Variants in E2F6 observed in about 807,000 individuals in gnomAD.
E2F6 encodes E2F transcription factor 6.
A neutral mutation model predicts 31.5 loss-of-function variants in E2F6; 19 were observed. The observed-to-expected ratio is 0.60, with a 90% CI of 0.42 to 0.89. The LOEUF is 0.89. Ranked by LOEUF, E2F6 falls within the 40% of genes least tolerant of loss-of-function variation. E2F6 has a pLI of 0.00. For synonymous variants in E2F6, 121 were observed against 127.7 expected (o/e 0.95, Z 0.36); for missense variants, 269 against 341.6 (o/e 0.79, Z 1.67).
chr2:11,449,942 A>C, intron 5 of E2F6, 70 bp downstream of exon 5: 1 of 1,229,038 alleles, frequency 8.1e-7, no homozygotes, highest in South Asian at 1.3e-5. Flanking sequence ...GTATGACTGC[A>C]ATAAATCACA....
intron 6 of E2F6, among the ~76,000 whole-genome samples, chr2:11,447,017 T>C (rs751712093): frequency 3.9e-5 from 6 of 152,118 alleles, no homozygotes; most frequent in Non-Finnish European, 8.8e-5. Context: ...GGTGGAGCTG[T>C]TGGCTGGGTA....
chr2:11,444,761 A>C lies in E2F6; in HGVS notation c.*1716T>G, dbSNP rs942570694. 2 of 152,144 alleles carry C rather than the reference A, an allele frequency of 1.3e-5. No homozygotes were observed. The highest frequency in any genetic ancestry group is 1.3e-4 in the Admixed American group (2 of 15,258). The allele number at this position is 152,144 out of a possible 1,614,324, so 9.4% of individuals were successfully genotyped here. ...CTCAGACTTTTCCGCTGAGCACCTG[A>C]CCTACATACACACAACAACCTGCTC... On this transcript the variant is annotated 3_prime_UTR_variant, in exon 7 of 7. Transcript: ENST00000381525.
chr2:11,446,641 TG>T (rs1670732614), intron 6 of E2F6, 118 bp from the exon 7 acceptor site: 1 of 817,842 alleles, frequency 1.2e-6, no homozygotes, highest in African/African-American at 1.8e-5. Context: ...TGAAGATGCC[TG>T]GTCAAGAACA....
At chr2:11,465,708 C>A in intron 1 of E2F6, 64 bp downstream of exon 1, 3 of 1,518,284 alleles carry the variant, frequency 2.0e-6, no homozygotes, top group East Asian at 2.5e-5. Context: ...TTGGCGGCGG[C>A]GCGGGGAGGA....
rs537378425 is a variant in E2F6 at position 11,465,887 on chromosome 2, G to C, written c.-8C>G. ...CGGCCGCTGCTGACTCATGCTGCCCGGCCGGGCGTCCTGCTCCCCTCGCAC... is the reference window on the plus strand; with the variant it reads ...CGGCCGCTGCTGACTCATGCTGCCCCGCCGGGCGTCCTGCTCCCCTCGCAC... On this transcript the variant is annotated 5_prime_UTR_variant, in exon 1 of 7. Transcript: ENST00000381525. 7 of 1,544,478 alleles carry C rather than the reference G, an allele frequency of 4.5e-6. No individual in the cohort carries two copies. Among genetic ancestry groups the C allele is most frequent in the Non-Finnish European group, 4.4e-6 (5 of 1,144,160 alleles).
chr2:11,447,955 A>C (rs1264750091), intron 5 of E2F6, among the ~76,000 whole-genome samples, 181 bp from the exon 6 acceptor site: 3 of 152,152 alleles, frequency 2.0e-5, no homozygotes, highest in African/African-American at 4.8e-5. Flanking sequence ...ATGGCTTCAG[A>C]GCTATCATGT....
rs1345038186 is a variant in E2F6 at position 11,447,736 on chromosome 2, A to C, written c.690T>G (p.Pro230=). The C allele has an allele frequency of 6.2e-7, 1 of 1,612,292 alleles. No homozygotes were observed. The highest frequency in any genetic ancestry group is 2.2e-5 in the East Asian group (1 of 44,886). ...ITVHIRSTNG[P]IDVYLCEVEQ... ...CCACTTCACACAAATAGACATCGAT[A>C]GGTCCGTTGGTGCTCCTTATGTGCA... Residue 230 remains proline (P), a synonymous_variant, in exon 6 of 7, where the codon CCT becomes CCG. Coordinates refer to ENST00000381525, the MANE Select transcript of E2F6 (RefSeq NM_198256.4).
At position 11,447,764 on chromosome 2, in the gene E2F6, G is replaced by A; in HGVS notation, c.662C>T (p.Thr221Ile). 6.2e-7 allele frequency: 1 copy of A among 1,609,702 alleles called. No individual in the cohort carries two copies. The highest frequency in any genetic ancestry group is 8.5e-7 in the Non-Finnish European group (1 of 1,179,386). The stretch of plus-strand genomic sequence containing the variant: ...TCCGTTGGTGCTCCTTATGTGCACT[G>A]TGATAGAGTCCTAGCAAAGGACACA... ...DVPAPREDSITVHIRSTNGPI... is the reference protein window; with the variant it reads ...DVPAPREDSIIVHIRSTNGPI... The change falls in exon 6 of 7, where the codon ACA (threonine) becomes ATA (isoleucine). Residue 221 changes from threonine (T) to isoleucine (I), a missense_variant. Physicochemically the swap from Thr to Ile is moderately conservative, Grantham distance 89 (BLOSUM62 -1). Coordinates refer to ENST00000381525, the MANE Select transcript of E2F6 (RefSeq NM_198256.4).
chr2:11,464,947 C>T (rs1572520117), intron 1 of E2F6, among the ~76,000 whole-genome samples: 1 of 151,682 alleles, frequency 6.6e-6, no homozygotes, highest in African/African-American at 2.4e-5. Context: ...AGGTCGGGCT[C>T]GGTGGATCAC....
Position 11,453,757 on chromosome 2 carries a change from C to A in E2F6, c.205G>T (p.Val69Phe). The part of the protein sequence containing the change: ...VKRPRFDVSL[V>F]YLTRKFMDLV... ...TCCATAAATTTTCGAGTTAAATAAACCAGCGATACATCAAAACGAGGTCTC... is the reference window on the plus strand; with the variant it reads ...TCCATAAATTTTCGAGTTAAATAAAACAGCGATACATCAAAACGAGGTCTC... The change falls in exon 3 of 7, where the codon GTT (valine) becomes TTT (phenylalanine). Residue 69 changes from valine to phenylalanine, a missense_variant. Coordinates refer to ENST00000381525, the MANE Select transcript of E2F6 (RefSeq NM_198256.4). The A allele has an allele frequency of 6.2e-7, 1 of 1,614,152 alleles. No homozygotes were observed. Among genetic ancestry groups the A allele is most frequent in the Non-Finnish European group, 8.5e-7 (1 of 1,180,014 alleles).
chr2:11,458,844 T>C (rs577010197), intron 1 of E2F6, among the ~76,000 whole-genome samples: 8 of 152,312 alleles, frequency 5.3e-5, no homozygotes, highest in African/African-American at 1.7e-4. Flanking sequence ...ATTGAACACG[T>C]AGACCTGCTA....
chr2:11,455,523 G>C (rs1172370907), intron 2 of E2F6: 2 of 1,169,460 alleles, frequency 1.7e-6, no homozygotes, highest in Admixed American at 5.1e-5. Flanking sequence ...ATTTTTAATC[G>C]GAAGTAGAGG....
intron 1 of E2F6, chr2:11,458,200 A>G (rs1194006940): frequency 6.6e-7 from 1 of 1,505,514 alleles, no homozygotes; most frequent in Non-Finnish European, 9.0e-7. Context: ...CATAAAGCAA[A>G]ACTGGGGCAA....
At chr2:11,451,044 T>C (rs907309365) in intron 4 of E2F6, among the ~76,000 whole-genome samples, 2 of 152,128 alleles carry the variant, frequency 1.3e-5, no homozygotes, top group Non-Finnish European at 2.9e-5. Flanking sequence ...CGCGCTTCTG[T>C]GGACACAAAT....
intron 1 of E2F6, among the ~76,000 whole-genome samples, chr2:11,464,873 G>A (rs1243531524): frequency 1.3e-5 from 2 of 152,062 alleles, no homozygotes; most frequent in Non-Finnish European, 2.9e-5. Context: ...TAATGACTTG[G>A]GAAAATGTTT....
At position 11,451,806 on chromosome 2, in the gene E2F6, T is replaced by G. The variant is rs1671086383; in HGVS notation, c.381A>C (p.Ile127=). 1 of 1,605,998 alleles carries G rather than the reference T, an allele frequency of 6.2e-7. No homozygotes were observed. Among genetic ancestry groups the G allele is most frequent in the Non-Finnish European group, 8.5e-7 (1 of 1,175,470 alleles). The stretch of plus-strand genomic sequence containing the variant: ...CTCCAAAATTGCTAAGATCAGATCC[T>G]CTTTAGAAGAAAAAAAATGTCAGCA... The part of the protein sequence containing the change: ...EKKSKNHIRW[I]GSDLSNFGAV... Residue 127 remains isoleucine, a splice_region_variant and synonymous_variant, in exon 4 of 7, where the codon ATA becomes ATC. Coordinates refer to ENST00000381525, the MANE Select transcript of E2F6 (RefSeq NM_198256.4).
In E2F6 at chr2:11,465,843, G is replaced by C. The variant is rs758410252; in HGVS notation, c.37C>G (p.Leu13Val). The C allele has an allele frequency of 1.3e-6, 2 of 1,588,338 alleles. No homozygotes were observed. The highest frequency in any genetic ancestry group is 3.6e-5 in the Admixed American group (2 of 56,254). Residue 13 changes from leucine (L) to valine (V), a missense_variant, in exon 1 of 7, where the codon CTC (leucine) becomes GTC (valine). By Grantham distance (32) the Leu-to-Val change is conservative. Transcript: ENST00000381525. ...GTCTCCTCCGTCGGGTCCAGGAGGA[G>C]ACTGGGTAACTTCCTCGCCGGCCGC... ...QQRPARKLPS[L>V]LLDPTEETVR...
intron 3 of E2F6, among the ~76,000 whole-genome samples, chr2:11,452,577 C>T (rs911973774): frequency 6.6e-6 from 1 of 151,136 alleles, no homozygotes; most frequent in African/African-American, 2.4e-5. Context: ...ATACTCCAGC[C>T]TGGGTGACAG....
intron 6 of E2F6, among the ~76,000 whole-genome samples, chr2:11,447,056 C>T (rs568718611): frequency 1.3e-5 from 2 of 152,330 alleles, no homozygotes; most frequent in African/African-American, 4.8e-5. Flanking sequence ...AGGCCGGTCA[C>T]AGGATGCTGG....
Sources: allele counts gnomAD v4.1 joint callset (sites outside exome capture counted in the v4.1 genomes callset), GRCh38; gene constraint gnomAD v4.1.1; transcripts MANE v1.5; gene names NCBI Gene and HGNC (gene_info 2026-07-23, HGNC 2026-07-21).